LSAMP: variants seen among roughly 807,000 people sequenced by gnomAD.
LSAMP encodes the protein limbic system-associated membrane protein.
Under a neutral mutation model 38.6 loss-of-function variants are expected in LSAMP, and 7 were observed. The ratio of observed to expected loss-of-function variants is 0.18; its 90% CI spans 0.10 to 0.34. The LOEUF (loss-of-function observed/expected upper bound fraction) is 0.34, where lower values mean the gene tolerates loss of function less well. LSAMP is among the 10% of genes least tolerant of loss of function. The pLI, the probability that LSAMP is intolerant of heterozygous loss-of-function variation, is 1.00. For synonymous variants in LSAMP, 154 were observed against 166.8 expected (o/e 0.92, Z 0.59); for missense variants, 313 against 420.0 (o/e 0.75, Z 2.23).
chr3:116,072,264 C>T (rs905321857), intron 2 of LSAMP, among the ~76,000 whole-genome samples: 4 of 152,090 alleles, frequency 2.6e-5, no homozygotes, highest in Non-Finnish European at 5.9e-5. Context: ...CGTGAGCCAC[C>T]GCGCCCCGCC....
rs565398728 is a variant in LSAMP, at chr3:116,108,745, C to T, written c.156-22189G>A. On this transcript the variant is annotated intron_variant, in intron 1 of 6. Coordinates refer to ENST00000490035, the MANE Select transcript of LSAMP (RefSeq NM_002338.5). ...GAGAAATCCTGGGCTGCAGGCATTC[C>T]TTGGCCTGGTGGTCAGATTTCTGGC... 5.3e-5 allele frequency among the ~76,000 whole-genome samples: 8 copies of T among 152,288 alleles called. No individual in the cohort carries two copies. The South Asian group carries it at 1.7e-3, about 32-fold the overall frequency.
chr3:116,421,263 T>G (rs2049119409), intron 1 of LSAMP, among the ~76,000 whole-genome samples: 1 of 152,134 alleles, frequency 6.6e-6, no homozygotes, highest in Admixed American at 6.5e-5. Flanking sequence ...AAGACTTACA[T>G]GCAGAATTTA....
intron 1 of LSAMP, among the ~76,000 whole-genome samples, chr3:116,214,824 A>G (rs1468474162): frequency 6.6e-6 from 1 of 152,156 alleles, no homozygotes. Flanking sequence ...TTTAAAACAT[A>G]TGAAGGAGCC....
chr3:116,307,097 T>C (rs1166670485), intron 1 of LSAMP, among the ~76,000 whole-genome samples: 1 of 152,038 alleles, frequency 6.6e-6, no homozygotes, highest in African/African-American at 2.4e-5. Flanking sequence ...ATGGGTGAAG[T>C]GAAGCTTAAT....
At position 115,852,617 on chromosome 3, in the gene LSAMP, C is replaced by T. The variant is rs1356721880; in HGVS notation, c.515G>A (p.Gly172Glu). The T allele has an allele frequency of 6.2e-7, 1 of 1,609,746 alleles. No individual in the cohort carries two copies. The highest frequency in any genetic ancestry group is 8.5e-7 in the Non-Finnish European group (1 of 1,178,538). The part of the protein sequence containing the change: ...VITWRHLTPT[G>E]REFEGEEEYL... ...TTCTTCTTCTCCTTCAAATTCCCTT[C>T]CTGAAAAACAGAGGTTTTCATGATT... The change falls in exon 4 of 7, where the codon GGA (glycine) becomes GAA (glutamate). Residue 172 changes from glycine (G) to glutamate (E), a missense_variant and splice_region_variant. Transcript: ENST00000490035.
intron 3 of LSAMP, among the ~76,000 whole-genome samples, chr3:115,957,102 T>C (rs1938477335): frequency 6.6e-6 from 1 of 152,228 alleles, no homozygotes. Context: ...GAATATCTTA[T>C]GAATTTAACT....
rs576742175 is a variant in LSAMP at position 116,340,331 on chromosome 3, C to T, written c.155+104546G>A. Reference sequence around the variant, plus strand: ...AAAATTTAATATGTATTGCTGTTTTCTTTTTTTGTGTTGTTGCAGACACCA... The same window carrying T: ...AAAATTTAATATGTATTGCTGTTTTTTTTTTTTGTGTTGTTGCAGACACCA... On this transcript the variant is annotated intron_variant, in intron 1 of 6. Coordinates refer to ENST00000490035, the MANE Select transcript of LSAMP (RefSeq NM_002338.5). 1.9e-3 allele frequency among the ~76,000 whole-genome samples: 282 copies of T among 151,980 alleles called. 1 individual carries two copies. The highest frequency in any genetic ancestry group is 3.4e-3 in the Middle Eastern group (1 of 294).
At chr3:116,423,225 A>G (rs373099027) in intron 1 of LSAMP, among the ~76,000 whole-genome samples, 209 of 152,310 alleles carry the variant, frequency 1.4e-3, no homozygotes, top group African/African-American at 4.9e-3. Flanking sequence ...AAGAGGGGAA[A>G]AAAAACTTGC....
intron 1 of LSAMP, among the ~76,000 whole-genome samples, chr3:116,295,414 T>C (rs2047318259): frequency 1.3e-5 from 2 of 152,212 alleles, no homozygotes; most frequent in South Asian, 4.1e-4. Flanking sequence ...ATTTAAAATT[T>C]GCTAGCTATA....
chr3:115,861,056 TC>T (rs1935663536), intron 3 of LSAMP, among the ~76,000 whole-genome samples: 1 of 40,154 alleles, frequency 2.5e-5, no homozygotes, highest in Admixed American at 3.0e-4. Context: ...CCTCCTCCCC[TC>T]CCTCCCTCCC....
chr3:116,311,611 C>G (rs142138610), intron 1 of LSAMP, among the ~76,000 whole-genome samples: 256 of 152,252 alleles, frequency 1.7e-3, no homozygotes, highest in African/African-American at 5.6e-3. Flanking sequence ...GGTTTAGAAC[C>G]GGACAACCAG....
At chr3:116,131,295 G>T (rs960285688) in intron 1 of LSAMP, among the ~76,000 whole-genome samples, 1 of 152,008 alleles carries the variant, frequency 6.6e-6, no homozygotes, top group African/African-American at 2.4e-5. Context: ...CCGGCCTAAG[G>T]TTCCACACTT....
At chr3:116,441,078 T>G (rs892941844) in intron 1 of LSAMP, among the ~76,000 whole-genome samples, 2 of 152,214 alleles carry the variant, frequency 1.3e-5, no homozygotes, top group East Asian at 3.8e-4. Context: ...AACAGGGAAT[T>G]AAAGACCCCA....
intron 4 of LSAMP, among the ~76,000 whole-genome samples, chr3:115,846,055 C>T (rs1935148584): frequency 6.6e-6 from 1 of 152,130 alleles, no homozygotes; most frequent in Non-Finnish European, 1.5e-5. Flanking sequence ...TTGAAATGAA[C>T]ATTTCAAAAT....
chr3:115,822,178 ATGT>A (rs1934261795), intron 6 of LSAMP, among the ~76,000 whole-genome samples: 2 of 152,088 alleles, frequency 1.3e-5, no homozygotes, highest in African/African-American at 4.8e-5. Flanking sequence ...TATGATATTC[ATGT>A]TGTATAAACC....
intron 3 of LSAMP, among the ~76,000 whole-genome samples, chr3:115,858,407 G>A (rs1176444304): frequency 1.3e-5 from 2 of 152,048 alleles, no homozygotes; most frequent in East Asian, 3.9e-4. Flanking sequence ...GAGATACAAA[G>A]AATACAATTT....
chr3:115,817,598 C>G (rs1934073818), intron 6 of LSAMP, among the ~76,000 whole-genome samples: 1 of 152,210 alleles, frequency 6.6e-6, no homozygotes, highest in Non-Finnish European at 1.5e-5. Context: ...TAGGACACCA[C>G]TTTGAAGCTC....
At chr3:116,159,441 G>GGGCAT (rs1709830594) in intron 1 of LSAMP, among the ~76,000 whole-genome samples, 3 of 152,030 alleles carry the variant, frequency 2.0e-5, no homozygotes, top group Admixed American at 2.0e-4. Context: ...AGTGGGCAAA[G>GGGCAT]GGCATGAACA....
chr3:116,131,829 TTTC>T (rs1433863438), intron 1 of LSAMP, among the ~76,000 whole-genome samples: 1 of 150,100 alleles, frequency 6.7e-6, no homozygotes, highest in African/African-American at 2.5e-5. Context: ...TTCTTTTCTT[TTTC>T]TTTTTTTTTT....
Sources: allele counts gnomAD v4.1 joint callset (sites outside exome capture counted in the v4.1 genomes callset), GRCh38; gene constraint gnomAD v4.1.1; transcripts MANE v1.5; gene names NCBI Gene and HGNC (gene_info 2026-07-23, HGNC 2026-07-21).